The following RAPGEF2 variants were observed in gnomAD, a reference collection of about 807,000 sequenced individuals.
RAPGEF2 encodes the protein Rap guanine nucleotide exchange factor 2, also known as PDZ domain containing guanine nucleotide exchange factor (GEF) 1.
RAPGEF2 carries 54 observed loss-of-function variants against 186.7 expected under a neutral mutation model. That is an observed-to-expected ratio of 0.29 (90% confidence interval 0.23 to 0.36). The LOEUF is 0.36. Ranked by LOEUF, RAPGEF2 falls within the 10% of genes least tolerant of loss-of-function variation. The pLI is 1.00. For missense variants in RAPGEF2, 1,532 were observed against 2,045.0 expected, an observed-to-expected ratio of 0.75 and a Z score of 4.84; for synonymous variants, 712 against 705.9, an observed-to-expected ratio of 1.01 and a Z score of -0.14.
intron 7 of RAPGEF2, among the ~76,000 whole-genome samples, chr4:159,255,284 C>A (rs1756017637): frequency 6.6e-6 from 1 of 152,054 alleles, no homozygotes; most frequent in Non-Finnish European, 1.5e-5. Context: ...TTTAAAACTT[C>A]TTTCTTCTCA....
chr4:159,205,909 C>T (rs1313093155), intron 3 of RAPGEF2, among the ~76,000 whole-genome samples: 1 of 151,910 alleles, frequency 6.6e-6, no homozygotes. Flanking sequence ...AGAACACTTA[C>T]ATTAGCCTAC....
intron 1 of RAPGEF2, among the ~76,000 whole-genome samples, chr4:159,183,733 A>G (rs1227511147): frequency 6.6e-6 from 1 of 152,212 alleles, no homozygotes; most frequent in Non-Finnish European, 1.5e-5. Context: ...ACCAATTAAA[A>G]TATGAACAAA....
intron 1 of RAPGEF2, among the ~76,000 whole-genome samples, chr4:159,104,779 G>A (rs1027701781): frequency 6.6e-6 from 1 of 152,150 alleles, no homozygotes; most frequent in African/African-American, 2.4e-5. Flanking sequence ...TTGTGCTAAA[G>A]ACAAATCCAT....
At chr4:159,273,885 C>G (rs923642386) in intron 7 of RAPGEF2, among the ~76,000 whole-genome samples, 1 of 152,064 alleles carries the variant, frequency 6.6e-6, no homozygotes, top group African/African-American at 2.4e-5. Flanking sequence ...CTCCATCTCC[C>G]GGGTTCAAGC....
In RAPGEF2 at chr4:159,103,254, C is replaced by T. The variant is rs1440585404; in HGVS notation, c.-909C>T. 6.6e-6 allele frequency: 1 copy of T among 151,964 alleles called. No homozygotes were observed. The highest frequency in any genetic ancestry group is 1.5e-5 in the Non-Finnish European group (1 of 67,988). 9.4% of individuals were successfully genotyped at this position (151,964 alleles called of 1,614,324 possible). ...CCCGGGCTGTCCGCGGCCCCCTCTT[C>T]CCCCTCCTCCGCCCCGCGCAGACGA... On this transcript the variant is annotated 5_prime_UTR_variant, in exon 1 of 30. Transcript: ENST00000691494.
At chr4:159,248,723 A>G (rs777071743) in intron 7 of RAPGEF2, among the ~76,000 whole-genome samples, 2 of 152,240 alleles carry the variant, frequency 1.3e-5, no homozygotes, top group African/African-American at 2.4e-5. Flanking sequence ...GCACTATAGC[A>G]TATGTACAGA....
At chr4:159,272,325 A>G (rs1015480136) in intron 7 of RAPGEF2, among the ~76,000 whole-genome samples, 1 of 152,168 alleles carries the variant, frequency 6.6e-6, no homozygotes, top group African/African-American at 2.4e-5. Context: ...TCTATAATCT[A>G]CATTCTTTCC....
At chr4:159,252,045 A>G (rs1442420441) in intron 7 of RAPGEF2, among the ~76,000 whole-genome samples, 2 of 152,232 alleles carry the variant, frequency 1.3e-5, no homozygotes, top group East Asian at 3.9e-4. Flanking sequence ...CAAACTCTGG[A>G]CACACCATTT....
At position 159,104,032 on chromosome 4, in the gene RAPGEF2, C is replaced by T. The variant is rs1213044032; in HGVS notation, c.-131C>T. ...CCCCCCGCGGGCCCCGCGCCGCCGC[C>T]GCCGCGGTTTGGCTGATTAGTCGCG... On this transcript the variant is annotated 5_prime_UTR_variant, in exon 1 of 30. Coordinates refer to ENST00000691494, the MANE Select transcript of RAPGEF2 (RefSeq NM_001394067.2). 9.4e-6 allele frequency: 3 copies of T among 318,542 alleles called. No individual in the cohort carries two copies. Among genetic ancestry groups the T allele is most frequent in the Non-Finnish European group, 1.4e-5 (3 of 218,848 alleles). 19.7% of individuals were successfully genotyped at this position (318,542 alleles called of 1,614,324 possible).
At chr4:159,158,810 C>T (rs552478514) in intron 1 of RAPGEF2, among the ~76,000 whole-genome samples, 1 of 152,292 alleles carries the variant, frequency 6.6e-6, no homozygotes, top group East Asian at 1.9e-4. Flanking sequence ...ACCTTGGAAC[C>T]TGAAGGAACC....
chr4:159,331,321 TTTATTA>T, intron 13 of RAPGEF2, 104 bp from the exon 14 acceptor site: 2 of 620,462 alleles, frequency 3.2e-6, no homozygotes, highest in Non-Finnish European at 5.6e-6. Context: ...TATTTTCCTG[TTTATTA>T]TTATTAGGTA....
chr4:159,187,885 A>G (rs1298717487), intron 2 of RAPGEF2, among the ~76,000 whole-genome samples: 1 of 152,192 alleles, frequency 6.6e-6, no homozygotes, highest in Admixed American at 6.5e-5. Context: ...CTCTTTCAAC[A>G]CTAATTAATT....
At chr4:159,265,918 A>G (rs1460433778) in intron 7 of RAPGEF2, among the ~76,000 whole-genome samples, 1 of 152,212 alleles carries the variant, frequency 6.6e-6, no homozygotes, top group Non-Finnish European at 1.5e-5. Flanking sequence ...AAACTCTTAG[A>G]TGTAGAAATG....
chr4:159,268,073 A>ATT lies in RAPGEF2; in HGVS notation c.543+24284_543+24285dup, dbSNP rs909146483. Reference sequence around the variant, plus strand: ...CTTTTTTTTTTTCCTTTTTCTTTTAATTTAATGCTGTAGAGGGTGACTTGC... The same window carrying ATT: ...CTTTTTTTTTTTCCTTTTTCTTTTAATTTTTAATGCTGTAGAGGGTGACTTGC... On this transcript the variant is annotated intron_variant, in intron 7 of 29. Transcript: ENST00000691494. 96 of 1,514,140 alleles carry ATT rather than the reference A, an allele frequency of 6.3e-5. 1 individual carries two copies. The Middle Eastern group carries it at 4.2e-3, about 66-fold the overall frequency. 93.8% of individuals were successfully genotyped at this position (1,514,140 alleles called of 1,614,324 possible). A position where few individuals can be genotyped will look rare whatever the true frequency, so the allele number is the denominator to read the frequency against.
intron 1 of RAPGEF2, among the ~76,000 whole-genome samples, chr4:159,123,196 T>G (rs539158299): frequency 2.0e-5 from 3 of 152,290 alleles, no homozygotes; most frequent in Admixed American, 2.0e-4. Context: ...ATTTTCAACT[T>G]TGTTAGGGGT....
intron 4 of RAPGEF2, among the ~76,000 whole-genome samples, chr4:159,228,605 G>T (rs1377269466): frequency 6.6e-6 from 1 of 152,168 alleles, no homozygotes; most frequent in East Asian, 1.9e-4. Context: ...TAGAATGTTT[G>T]TAAGTGAGCC....
At chr4:159,282,922 A>G (rs1579753174) in intron 7 of RAPGEF2, among the ~76,000 whole-genome samples, 1 of 152,218 alleles carries the variant, frequency 6.6e-6, no homozygotes, top group Non-Finnish European at 1.5e-5. Context: ...TATACTTCCT[A>G]TAACTGCACA....
At position 159,331,496 on chromosome 4, in the gene RAPGEF2, G is replaced by T; in HGVS notation, c.1533G>T (p.Met511Ile). The change falls in exon 14 of 30, where the codon ATG becomes ATT. Residue 511 changes from methionine to isoleucine, a missense_variant. Physicochemically the swap from Met to Ile is conservative, Grantham distance 10 (BLOSUM62 1). Around this residue, in one of 4 missense-constraint regions of RAPGEF2, gnomAD observed 810 missense variants for 1,210.5 expected, o/e 0.67. Transcript: ENST00000691494. ...ATGACTTTGAAGGAGATCCTGCAAT[G>T]ACTCGATTTTTAGAAGAATTTGAAA... is the stretch of plus-strand genomic sequence containing the variant. ...HFNDFEGDPA[M>I]TRFLEEFENN... 6.2e-7 allele frequency: 1 copy of T among 1,613,576 alleles called. No individual in the cohort carries two copies. Among genetic ancestry groups the T allele is most frequent in the South Asian group, 1.1e-5 (1 of 91,000 alleles).
intron 4 of RAPGEF2, among the ~76,000 whole-genome samples, chr4:159,227,388 C>A (rs1431842045): frequency 6.6e-6 from 1 of 152,210 alleles, no homozygotes; most frequent in Non-Finnish European, 1.5e-5. Flanking sequence ...AGCTAAGCTT[C>A]CTTGTCTATA....
Sources: gnomAD v4.1 joint callset for allele counts (sites outside exome capture counted in the v4.1 genomes callset) on GRCh38, gnomAD v4.1.1 for gene constraint, gnomAD v4.1.1 regional missense constraint, MANE v1.5 for transcripts, NCBI Gene and HGNC (gene_info 2026-07-23, HGNC 2026-07-21) for gene names.